C11orf65: variants seen among roughly 807,000 people sequenced by gnomAD.
C11orf65 encodes the protein protein MFI.
C11orf65 carries 38 observed loss-of-function variants against 35.3 expected under a neutral mutation model. The ratio of observed to expected loss-of-function variants is 1.08; its 90% confidence interval spans 0.83 to 1.41. C11orf65 has a LOEUF of 1.41. Ranked by LOEUF, C11orf65 falls within the 40% of genes most tolerant of loss-of-function variation. C11orf65 has a pLI of 0.00. For missense variants in C11orf65, 370 were observed against 367.1 expected, an observed-to-expected ratio of 1.01 and a Z score of -0.06; for synonymous variants, 105 against 114.4, an observed-to-expected ratio of 0.92 and a Z score of 0.53.
chr11:108,426,468 A>G (rs2092903835), intron 3 of C11orf65, among the ~76,000 whole-genome samples: 1 of 152,016 alleles, frequency 6.6e-6, no homozygotes, highest in Non-Finnish European at 1.5e-5. Flanking sequence ...TTCAAGGAGA[A>G]CTACACACCA....
At position 108,369,760 on chromosome 11, in the gene C11orf65, T is replaced by G. The variant is rs927817776; in HGVS notation, c.226+23448A>C. ...GCAGTGGTTCTTAACCAGGGGTGAT[T>G]TTGCTGCCTCACTTGATATTTTCAA... is the stretch of plus-strand genomic sequence containing the variant. On this transcript the variant is annotated intron_variant, in intron 2 of 3. Coordinates refer to the C11orf65 transcript ENST00000524755. Among the ~76,000 whole-genome samples, 6 of 152,208 alleles carry G rather than the reference T, an allele frequency of 3.9e-5. No individual in the cohort carries two copies. The South Asian group carries it at 8.3e-4, about 21-fold the overall frequency.
chr11:108,437,160 A>G (rs537587894), intron 2 of C11orf65, among the ~76,000 whole-genome samples: 13 of 151,050 alleles, frequency 8.6e-5, no homozygotes, highest in Admixed American at 4.6e-4. Context: ...GGTGATGCAC[A>G]CCTGAAGTCC....
chr11:108,324,941 A>G (rs892603515), intron 6 of C11orf65, among the ~76,000 whole-genome samples: 1 of 152,154 alleles, frequency 6.6e-6, no homozygotes, highest in East Asian at 1.9e-4. Context: ...CCTCATTACT[A>G]CAGGCAGTAT....
chr11:108,452,230 G>A (rs925652515), intron 2 of C11orf65, among the ~76,000 whole-genome samples: 5 of 152,028 alleles, frequency 3.3e-5, no homozygotes, highest in African/African-American at 1.2e-4. Context: ...CCTACAGAAT[G>A]GGAGAAAATT....
At chr11:108,314,189 C>A (rs1759563227) in intron 6 of C11orf65, among the ~76,000 whole-genome samples, 1 of 152,026 alleles carries the variant, frequency 6.6e-6, no homozygotes, top group African/African-American at 2.4e-5. Context: ...AGTCATAACA[C>A]ACTGCAAGCT....
chr11:108,382,694 G>T (rs2091890587), downstream of C11orf65: 7 of 802,818 alleles, frequency 8.7e-6, no homozygotes, highest in Middle Eastern at 6.3e-4. Flanking sequence ...CGAGAGCTCT[G>T]CCTTCCATGA....
rs144796177 is a variant in C11orf65, at chr11:108,399,451, A to G, written c.560+5978T>C. On this transcript the variant is annotated intron_variant, in intron 6 of 8. Coordinates refer to ENST00000393084, the MANE Select transcript of C11orf65 (RefSeq NM_152587.5). The stretch of plus-strand genomic sequence containing the variant: ...ACCACAAGTTGTGCCCACTGGAAGG[A>G]TATCTTTTGATCATTTTCTAGGCCA... Among the ~76,000 whole-genome samples the G allele has an allele frequency of 4.2e-3, 647 of 152,290 alleles. 2 individuals carry two copies. Among genetic ancestry groups the G allele is most frequent in the Non-Finnish European group, 7.4e-3 (503 of 68,020 alleles).
At chr11:108,336,203 G>T (rs527820057) in intron 2 of C11orf65, 2 of 412,258 alleles carry the variant, frequency 4.9e-6, no homozygotes, top group South Asian at 2.2e-5. Context: ...TACATGGGAG[G>T]CTGAGGTGGG....
At chr11:108,321,537 C>T in intron 6 of C11orf65, 3 of 1,452,142 alleles carry the variant, frequency 2.1e-6, no homozygotes, top group Non-Finnish European at 2.8e-6. Flanking sequence ...AATCCTAGCA[C>T]TTTAGAAGGC....
intron 2 of C11orf65, among the ~76,000 whole-genome samples, chr11:108,372,333 A>G (rs929828602): frequency 6.6e-6 from 1 of 152,146 alleles, no homozygotes; most frequent in Admixed American, 6.5e-5. Context: ...AGCTGGGACT[A>G]CAGGTGCCCA....
At chr11:108,328,990 T>C, downstream of C11orf65, 2 of 1,580,540 alleles carry the variant, frequency 1.3e-6, no homozygotes, top group Middle Eastern at 1.7e-4. Flanking sequence ...TATTTGTAAA[T>C]ATAATTTAAA....
intron 6 of C11orf65, among the ~76,000 whole-genome samples, chr11:108,393,973 A>G (rs1299323303): frequency 2.6e-5 from 4 of 152,162 alleles, no homozygotes; most frequent in Admixed American, 2.0e-4. Context: ...CGAAGTCAGG[A>G]GTTCGAGACC....
chr11:108,353,930 C>G (rs1179853378), intron 2 of C11orf65: 1 of 1,519,302 alleles, frequency 6.6e-7, no homozygotes. Flanking sequence ...GTCAAAATTA[C>G]ATGGGCTGGG....
chr11:108,329,414 T>G (rs997582963), downstream of C11orf65: 10 of 509,252 alleles, frequency 2.0e-5, no homozygotes, highest in East Asian at 3.8e-5. Context: ...TTGTTTTTTG[T>G]TTTTTTTTTT....
chr11:108,436,108 G>A (rs1401479164), intron 2 of C11orf65, among the ~76,000 whole-genome samples: 1 of 149,222 alleles, frequency 6.7e-6, no homozygotes, highest in Non-Finnish European at 1.5e-5. Flanking sequence ...AGGATTTTAG[G>A]AGGAAAAAAA....
chr11:108,448,087 G>T (rs369032505), intron 2 of C11orf65, among the ~76,000 whole-genome samples: 1 of 152,134 alleles, frequency 6.6e-6, no homozygotes, highest in East Asian at 1.9e-4. Flanking sequence ...AAACCAGGAA[G>T]AAGTTGAATC....
At chr11:108,313,747 A>T (rs2084370277) in intron 6 of C11orf65, among the ~76,000 whole-genome samples, 1 of 152,224 alleles carries the variant, frequency 6.6e-6, no homozygotes, top group Non-Finnish European at 1.5e-5. Flanking sequence ...GAAACATTTG[A>T]GTTGGAACTA....
intron 3 of C11orf65, among the ~76,000 whole-genome samples, chr11:108,416,042 C>G (rs1287638301): frequency 1.3e-5 from 2 of 152,098 alleles, no homozygotes; most frequent in Non-Finnish European, 2.9e-5. Context: ...AGGAGGAAAT[C>G]TAGGTGAGCT....
At position 108,345,896 on chromosome 11, in the gene C11orf65, ACTT is replaced by A. The variant is rs786203976; in HGVS notation, c.227-10607_227-10605del. 5 of 1,613,544 alleles carry A rather than the reference ACTT, an allele frequency of 3.1e-6. No homozygotes were observed. The highest frequency in any genetic ancestry group is 1.3e-5 in the African/African-American group (1 of 74,900). On this transcript the variant is annotated intron_variant, in intron 2 of 3. Coordinates refer to the C11orf65 transcript ENST00000524755. ...ATTGGCTTATACGCGCAGTGTAGCT[ACTT>A]CTTCTATTGGTAATCTTCTTGTACA... is the stretch of plus-strand genomic sequence containing the variant.
Sources: gnomAD v4.1 joint callset for allele counts (sites outside exome capture counted in the v4.1 genomes callset) on GRCh38, gnomAD v4.1.1 for gene constraint, MANE v1.5 for transcripts, NCBI Gene and HGNC (gene_info 2026-07-23, HGNC 2026-07-21) for gene names.